Variants in TRHDE observed in about 807,000 individuals in gnomAD.
TRHDE encodes thyrotropin releasing hormone degrading enzyme, also known as thyrotropin-releasing hormone-degrading ectoenzyme.
In TRHDE, 72 loss-of-function variants were observed where a neutral mutation model predicts 125.7. That is an observed-to-expected ratio of 0.57 (90% CI 0.47 to 0.70). The LOEUF (loss-of-function observed/expected upper bound fraction) is 0.70. Ranked by LOEUF, TRHDE falls within the 30% of genes least tolerant of loss-of-function variation. TRHDE has a pLI of 0.00. For synonymous variants in TRHDE, 509 were observed against 509.1 expected, an observed-to-expected ratio of 1.00 and a Z score of 0.00; for missense variants, 1,110 against 1,327.1, an observed-to-expected ratio of 0.84 and a Z score of 2.54.
At chr12:72,240,566 T>C (rs1419896580) in intron 2 of TRHDE, among the ~76,000 whole-genome samples, 1 of 151,656 alleles carries the variant, frequency 6.6e-6, no homozygotes, top group Non-Finnish European at 1.5e-5. Context: ...CTTTCTCCAA[T>C]TAATTTTTTT....
rs1177213203 is a variant in TRHDE, at chr12:72,562,207, G to T, written c.1831G>T (p.Asp611Tyr). 3 of 1,561,016 alleles carry T rather than the reference G, an allele frequency of 1.9e-6. No individual in the cohort carries two copies. Among genetic ancestry groups the T allele is most frequent in the Non-Finnish European group, 2.6e-6 (3 of 1,137,468 alleles). Residue 611 changes from aspartate to tyrosine, a missense_variant, in exon 8 of 19, where the codon GAT (aspartate) becomes TAT (tyrosine). Physicochemically the swap from Asp to Tyr is radical, Grantham distance 160. Transcript: ENST00000261180. ...IHKYGNAARN[D>Y]LWNTLSEALK... ...TAAGTATGGTAATGCAGCCAGAAAT[G>T]ATCTCTGGAATACATTATCGGAGGT...
chr12:72,647,749 A>G (rs559879841), intron 15 of TRHDE, among the ~76,000 whole-genome samples: 5 of 152,260 alleles, frequency 3.3e-5, no homozygotes, highest in Admixed American at 6.5e-5. Flanking sequence ...GTACAGATCT[A>G]TAACTGGGAT....
At chr12:72,631,322 A>C (rs1873486053) in intron 15 of TRHDE, among the ~76,000 whole-genome samples, 1 of 151,728 alleles carries the variant, frequency 6.6e-6, no homozygotes, top group Non-Finnish European at 1.5e-5. Flanking sequence ...TTTTTGCCTA[A>C]TTTGTAACTT....
chr12:72,300,947 T>C (rs1868252892), intron 2 of TRHDE, among the ~76,000 whole-genome samples: 1 of 152,092 alleles, frequency 6.6e-6, no homozygotes, highest in African/African-American at 2.4e-5. Context: ...TCTGGAAGTT[T>C]TTCTCTTTGC....
intron 2 of TRHDE, among the ~76,000 whole-genome samples, chr12:72,261,438 G>A (rs951152727): frequency 2.0e-5 from 3 of 152,072 alleles, no homozygotes; most frequent in African/African-American, 7.2e-5. Flanking sequence ...CCTATTTTGA[G>A]GATTTAAAGA....
chr12:72,215,536 A>G (rs375551665), intron 2 of TRHDE, among the ~76,000 whole-genome samples: 2 of 152,278 alleles, frequency 1.3e-5, no homozygotes, highest in East Asian at 3.9e-4. Context: ...TTCATTATAC[A>G]CTTTTCTGCC....
intron 2 of TRHDE, among the ~76,000 whole-genome samples, chr12:72,373,596 A>C (rs975795934): frequency 6.6e-6 from 1 of 152,212 alleles, no homozygotes; most frequent in African/African-American, 2.4e-5. Context: ...AATGGTGGTA[A>C]GTGTTTCAGG....
At chr12:72,101,323 C>A (rs116686723) in intron 1 of TRHDE, among the ~76,000 whole-genome samples, 20 of 152,260 alleles carry the variant, frequency 1.3e-4, no homozygotes, top group African/African-American at 4.6e-4. Context: ...TCAATAATAA[C>A]TTAGTTCTTC....
At chr12:72,240,441 G>A (rs1010089510) in intron 2 of TRHDE, among the ~76,000 whole-genome samples, 1 of 151,306 alleles carries the variant, frequency 6.6e-6, no homozygotes, top group Non-Finnish European at 1.5e-5. Flanking sequence ...CTTACATAAG[G>A]TCATCTTGAC....
chr12:72,534,067 T>C (rs1325688957), intron 6 of TRHDE, among the ~76,000 whole-genome samples: 1 of 152,168 alleles, frequency 6.6e-6, no homozygotes, highest in Non-Finnish European at 1.5e-5. Context: ...ATTGCTGATT[T>C]GAAACTAGGA....
chr12:72,238,281 TATATATATATATATATATATATATA>T (rs1878378615), intron 2 of TRHDE, among the ~76,000 whole-genome samples: 1 of 14,816 alleles, frequency 6.7e-5, no homozygotes, highest in African/African-American at 3.2e-4. Context: ...CCTTAATATA[TATATATATATATATATATATATATA>T]TATATATATA....
At chr12:72,276,212 G>A (rs969568324) in intron 1 of TRHDE, among the ~76,000 whole-genome samples, 1 of 152,050 alleles carries the variant, frequency 6.6e-6, no homozygotes, top group African/African-American at 2.4e-5. Flanking sequence ...ATGTAAATTG[G>A]CATTTTAAAA....
At chr12:72,349,047 T>A (rs1222580121) in intron 2 of TRHDE, among the ~76,000 whole-genome samples, 1 of 152,066 alleles carries the variant, frequency 6.6e-6, no homozygotes, top group African/African-American at 2.4e-5. Context: ...GGGAATGTAG[T>A]CTCCCTCTGG....
At chr12:72,300,064 T>C (rs1880446378) in intron 2 of TRHDE, among the ~76,000 whole-genome samples, 1 of 152,100 alleles carries the variant, frequency 6.6e-6, no homozygotes, top group African/African-American at 2.4e-5. Context: ...GTTTCAGGAA[T>C]GGCTGTGATT....
chr12:72,540,198 C>A (rs1278555797), intron 6 of TRHDE, among the ~76,000 whole-genome samples: 4 of 151,654 alleles, frequency 2.6e-5, no homozygotes, highest in Non-Finnish European at 5.9e-5. Flanking sequence ...GCTAGTTAAA[C>A]ATAGAAGAGT....
intron 8 of TRHDE, 51 bp from the exon 9 acceptor site, chr12:72,562,802 T>G: frequency 8.5e-7 from 1 of 1,177,264 alleles, no homozygotes; most frequent in South Asian, 1.6e-5. Context: ...ATGTTAATAA[T>G]GTTGATAATT....
chr12:72,417,885 G>A (rs181165116), intron 3 of TRHDE, among the ~76,000 whole-genome samples: 144 of 151,916 alleles, frequency 9.5e-4, no homozygotes, highest in African/African-American at 3.1e-3. Flanking sequence ...AGCAAATTCA[G>A]AACACATATT....
At chr12:72,616,336 TAATA>T (rs941888404) in intron 12 of TRHDE, among the ~76,000 whole-genome samples, 11 of 152,104 alleles carry the variant, frequency 7.2e-5, no homozygotes, top group African/African-American at 1.9e-4. Context: ...AAATAAATTG[TAATA>T]AATTATTACA....
chr12:72,155,654 C>A (rs1004165069), intron 2 of TRHDE, among the ~76,000 whole-genome samples: 18 of 152,156 alleles, frequency 1.2e-4, no homozygotes, highest in Admixed American at 1.2e-3. Flanking sequence ...TGCTGGAAGT[C>A]CACTCCAGAC....
Sources: gnomAD v4.1 joint callset for allele counts (sites outside exome capture counted in the v4.1 genomes callset) on GRCh38, gnomAD v4.1.1 for gene constraint, MANE v1.5 for transcripts, NCBI Gene and HGNC (gene_info 2026-07-23, HGNC 2026-07-21) for gene names.